SLC14A2: variants seen among roughly 807,000 people sequenced by gnomAD.
The protein encoded by SLC14A2 is solute carrier family 14 member 2.
A neutral mutation model predicts 104.6 loss-of-function variants in SLC14A2; 91 were observed. The ratio of observed to expected loss-of-function variants is 0.87; its 90% CI spans 0.73 to 1.04. The LOEUF (loss-of-function observed/expected upper bound fraction) is 1.04. SLC14A2 is among the 50% of genes least tolerant of loss of function. The probability of loss-of-function intolerance (pLI) is 0.00; values close to 1 mark genes in which losing one functional copy is unlikely to be tolerated. For missense variants in SLC14A2, 1,189 were observed against 1,156.0 expected (o/e 1.03, Z -0.41); for synonymous variants, 476 against 466.4 (o/e 1.02, Z -0.27).
At chr18:45,602,217 G>C (rs1345296128) in intron 2 of SLC14A2, among the ~76,000 whole-genome samples, 1 of 152,228 alleles carries the variant, frequency 6.6e-6, no homozygotes. Context: ...GCCCAGCACA[G>C]TGTCTAATAC....
chr18:45,644,175 T>TA lies in SLC14A2; in HGVS notation c.1351+15_1351+16insA. The TA allele has an allele frequency of 6.2e-7, 1 of 1,613,710 alleles. No individual in the cohort carries two copies. Among genetic ancestry groups the TA allele is most frequent in the Non-Finnish European group, 8.5e-7 (1 of 1,179,664 alleles). ...GGCCCCCAGCGGTGAATAGCCATGT[T>TA]CGGGGAAGAAACGCTCTTTGCCTGA... On this transcript the variant is annotated intron_variant, in intron 10 of 19. Coordinates refer to ENST00000255226, the MANE Select transcript of SLC14A2 (RefSeq NM_007163.4).
intron 6 of SLC14A2, among the ~76,000 whole-genome samples, chr18:45,639,173 G>T (rs1198783028): frequency 1.3e-5 from 2 of 152,190 alleles, no homozygotes; most frequent in Non-Finnish European, 2.9e-5. Flanking sequence ...ACCCCCCAGG[G>T]TAGCAGTGAA....
At chr18:45,346,980 A>AAAATAAATAAATAAAT (rs760123026) in intron 1 of SLC14A2, among the ~76,000 whole-genome samples, 4 of 111,306 alleles carry the variant, frequency 3.6e-5, no homozygotes, top group African/African-American at 2.0e-4. Flanking sequence ...AATAAAAATA[A>AAAATAAATAAATAAAT]AAATAAATAA....
At chr18:45,592,476 A>C (rs2044662059) in intron 2 of SLC14A2, among the ~76,000 whole-genome samples, 1 of 152,190 alleles carries the variant, frequency 6.6e-6, no homozygotes, top group Non-Finnish European at 1.5e-5. Flanking sequence ...CCCCATTCCC[A>C]GTCCCATCTT....
chr18:45,314,102 A>C (rs981200297), intron 1 of SLC14A2, among the ~76,000 whole-genome samples: 1 of 152,230 alleles, frequency 6.6e-6, no homozygotes, highest in African/African-American at 2.4e-5. Flanking sequence ...ACCAGAAAGC[A>C]CAGCAGAAGA....
chr18:45,641,493 C>T (rs2045527707), intron 8 of SLC14A2, 150 bp downstream of exon 8: 1 of 810,286 alleles, frequency 1.2e-6, no homozygotes, highest in East Asian at 2.6e-5. Flanking sequence ...CTGCCCTTAA[C>T]AGCTGGGGAT....
intron 1 of SLC14A2, among the ~76,000 whole-genome samples, chr18:45,437,559 G>T (rs1211676624): frequency 2.0e-5 from 3 of 152,104 alleles, no homozygotes; most frequent in African/African-American, 7.2e-5. Context: ...CATGTCATGC[G>T]GTCTATCATC....
At chr18:45,503,720 T>A (rs953869850) in intron 2 of SLC14A2, among the ~76,000 whole-genome samples, 1 of 151,360 alleles carries the variant, frequency 6.6e-6, no homozygotes, top group African/African-American at 2.4e-5. Flanking sequence ...GGTGCCCCTC[T>A]CTTCTTGCCT....
chr18:45,493,710 A>G (rs1048030481), intron 2 of SLC14A2, among the ~76,000 whole-genome samples: 1 of 152,222 alleles, frequency 6.6e-6, no homozygotes, highest in Non-Finnish European at 1.5e-5. Context: ...ATTACCTTCT[A>G]TGATTTGCTT....
chr18:45,369,325 C>T (rs2085698539), intron 1 of SLC14A2, among the ~76,000 whole-genome samples: 1 of 152,154 alleles, frequency 6.6e-6, no homozygotes, highest in Non-Finnish European at 1.5e-5. Context: ...GGTGTTTGTT[C>T]TCTTCTGCTT....
intron 1 of SLC14A2, among the ~76,000 whole-genome samples, chr18:45,359,834 G>C (rs992572097): frequency 6.6e-6 from 1 of 152,216 alleles, no homozygotes; most frequent in African/African-American, 2.4e-5. Context: ...AAGGGCTTCT[G>C]TCCAACTGAT....
intron 1 of SLC14A2, among the ~76,000 whole-genome samples, chr18:45,480,785 G>A (rs2087477357): frequency 6.6e-6 from 1 of 152,330 alleles, no homozygotes; most frequent in African/African-American, 2.4e-5. Flanking sequence ...GCCCTGTCCA[G>A]AGAAACATTT....
Position 45,391,449 on chromosome 18 carries a change from G to T in SLC14A2, c.-124-91784G>T, listed in dbSNP as rs561950785. 2.0e-5 allele frequency among the ~76,000 whole-genome samples: 3 copies of T among 152,276 alleles called. No individual in the cohort carries two copies. The East Asian group carries it at 5.8e-4, about 29-fold the overall frequency. On this transcript the variant is annotated intron_variant, in intron 1 of 20. Coordinates refer to the SLC14A2 transcript ENST00000586448. Reference sequence around the variant, plus strand: ...CCTTTGGGTATATACCCAGTAATGGGATGGCTGGGTCAAATGGTATTTCTA... The same window carrying T: ...CCTTTGGGTATATACCCAGTAATGGTATGGCTGGGTCAAATGGTATTTCTA...
At chr18:45,500,589 A>G (rs890714664) in intron 2 of SLC14A2, among the ~76,000 whole-genome samples, 36 of 144,552 alleles carry the variant, frequency 2.5e-4, no homozygotes, top group African/African-American at 9.5e-4. Flanking sequence ...AAAAAAAAAA[A>G]AAAAAAAGAA....
intron 1 of SLC14A2, among the ~76,000 whole-genome samples, chr18:45,619,022 G>A (rs1389002072): frequency 1.3e-5 from 2 of 152,238 alleles, no homozygotes; most frequent in African/African-American, 4.8e-5. Context: ...ACCATTGGAA[G>A]AATTTGGGTC....
chr18:45,587,303 T>C (rs1192073958), intron 2 of SLC14A2, among the ~76,000 whole-genome samples: 1 of 152,224 alleles, frequency 6.6e-6, no homozygotes, highest in Non-Finnish European at 1.5e-5. Context: ...AAACTCAGTA[T>C]GTTAACTATA....
chr18:45,245,657 A>G (rs2084361518), intron 1 of SLC14A2, among the ~76,000 whole-genome samples: 1 of 150,390 alleles, frequency 6.6e-6, no homozygotes, highest in South Asian at 2.1e-4. Context: ...GTGTAGATGA[A>G]GGGAAGGTGT....
intron 1 of SLC14A2, among the ~76,000 whole-genome samples, chr18:45,256,701 G>A (rs892206800): frequency 2.6e-5 from 4 of 152,182 alleles, no homozygotes; most frequent in Admixed American, 2.0e-4. Flanking sequence ...AATCCAACAG[G>A]AAACTTGCTA....
intron 2 of SLC14A2, among the ~76,000 whole-genome samples, chr18:45,574,176 G>T (rs2044387395): frequency 6.6e-6 from 1 of 152,140 alleles, no homozygotes; most frequent in African/African-American, 2.4e-5. Context: ...CTGCTTGCCT[G>T]CACGTGCATG....
Sources: allele counts gnomAD v4.1 joint callset (sites outside exome capture counted in the v4.1 genomes callset), GRCh38; gene constraint gnomAD v4.1.1; transcripts MANE v1.5; gene names NCBI Gene and HGNC (gene_info 2026-07-23, HGNC 2026-07-21).